Variants in AXDND1 observed in about 807,000 individuals in gnomAD.
The protein encoded by AXDND1 is axonemal dynein light chain domain-containing protein 1.
AXDND1 carries 110 observed loss-of-function variants against 137.5 expected under a neutral mutation model. The ratio of observed to expected loss-of-function variants is 0.80; its 90% CI spans 0.69 to 0.94. The LOEUF (loss-of-function observed/expected upper bound fraction) is 0.94. Ranked by LOEUF, AXDND1 falls within the 40% of genes least tolerant of loss-of-function variation. The pLI is 0.00. For synonymous variants in AXDND1, 414 were observed against 399.7 expected (o/e 1.04, Z -0.43); for missense variants, 1,191 against 1,169.8 (o/e 1.02, Z -0.26).
chr1:179,550,437 C>G (rs1200127029), intron 25 of AXDND1: 1 of 152,442 alleles, frequency 6.6e-6, no homozygotes, highest in African/African-American at 2.4e-5. Context: ...CTCTGGCCCA[C>G]TATTTATAGT....
intron 24 of AXDND1, chr1:179,534,380 ACT>A (rs1326753040): frequency 5.1e-6 from 1 of 195,578 alleles, no homozygotes; most frequent in Non-Finnish European, 1.0e-5. Flanking sequence ...AAAAGAAGTG[ACT>A]CTGTTGAATT....
chr1:179,434,304 A>G (rs564370679), intron 15 of AXDND1, among the ~76,000 whole-genome samples: 2 of 152,280 alleles, frequency 1.3e-5, no homozygotes, highest in East Asian at 3.9e-4. Context: ...TTCTTCTGAA[A>G]CTATTCCAAA....
In AXDND1 at chr1:179,470,012, G is replaced by A. The variant is rs148413212; in HGVS notation, c.1997+1371G>A. ...AGTTAATTTTTGTATATGGTATGTG[G>A]TAAGGGTCCAATTTCATTCTTTTGC... On this transcript the variant is annotated intron_variant, in intron 17 of 25. Coordinates refer to ENST00000367618, the MANE Select transcript of AXDND1 (RefSeq NM_144696.6). Among the ~76,000 whole-genome samples, 630 of 152,248 alleles carry A rather than the reference G, an allele frequency of 4.1e-3. 1 individual carries two copies. The highest frequency in any genetic ancestry group is 0.01 in the Middle Eastern group (3 of 294).
At chr1:179,409,570 T>A (rs1571698392) in intron 11 of AXDND1, among the ~76,000 whole-genome samples, 1 of 152,282 alleles carries the variant, frequency 6.6e-6, no homozygotes, top group East Asian at 1.9e-4. Flanking sequence ...AAATTTCCCA[T>A]GTACCAAAGT....
At position 179,548,379 on chromosome 1, in the gene AXDND1, G is replaced by A. The variant is rs530660006; in HGVS notation, c.3032-6133G>A. 1.1e-4 allele frequency among the ~76,000 whole-genome samples: 17 copies of A among 152,302 alleles called. No individual in the cohort carries two copies. In the South Asian group the frequency reaches 3.5e-3, roughly 32 times the overall value. ...TTATCCCCATTTATACACAGGATTA[G>A]TAATATGTCCAAGGTTAAACAGTTA... is the stretch of plus-strand genomic sequence containing the variant. On this transcript the variant is annotated intron_variant, in intron 25 of 25. Transcript: ENST00000367618.
chr1:179,372,570 AGTTGTTTTGTTTT>A, intron 4 of AXDND1, among the ~76,000 whole-genome samples: 1 of 148,254 alleles, frequency 6.7e-6, no homozygotes, highest in Admixed American at 6.7e-5. Flanking sequence ...TAAGAATCAA[AGTTGTTTTGTTTT>A]GTTTTTTGTT....
chr1:179,429,693 TG>T (rs1346733771), intron 13 of AXDND1, 74 bp downstream of exon 13: 2 of 780,462 alleles, frequency 2.6e-6, no homozygotes, highest in Non-Finnish European at 3.9e-6. Flanking sequence ...AAGATGCCTT[TG>T]TTAAATTTAT....
At chr1:179,395,273 A>G in intron 11 of AXDND1, 71 bp downstream of exon 11, 1 of 1,177,780 alleles carries the variant, frequency 8.5e-7, no homozygotes, top group East Asian at 2.4e-5. Context: ...CTGAAATAAT[A>G]TATATGATAC....
intron 25 of AXDND1, among the ~76,000 whole-genome samples, chr1:179,540,190 T>G (rs1671991497): frequency 6.6e-6 from 1 of 152,084 alleles, no homozygotes. Context: ...GAAGCCTACT[T>G]CTGTTAACTC....
At chr1:179,480,019 A>G (rs1665161685) in intron 17 of AXDND1, among the ~76,000 whole-genome samples, 1 of 152,154 alleles carries the variant, frequency 6.6e-6, no homozygotes, top group African/African-American at 2.4e-5. Context: ...CCATTCAACA[A>G]GTGTCTAGGA....
At chr1:179,468,306 T>C (rs1249862931) in intron 16 of AXDND1, 137 bp from the exon 17 acceptor site, 2 of 603,148 alleles carry the variant, frequency 3.3e-6, no homozygotes, top group Non-Finnish European at 5.6e-6. Flanking sequence ...TTTGTAAGGT[T>C]CTCTGCTAGT....
At chr1:179,427,699 T>C (rs1310760946) in intron 12 of AXDND1, among the ~76,000 whole-genome samples, 2 of 152,216 alleles carry the variant, frequency 1.3e-5, no homozygotes, top group Non-Finnish European at 2.9e-5. Flanking sequence ...GTCAGATATT[T>C]TGCTAAGGGA....
rs376189496 is a variant in AXDND1 at position 179,488,634 on chromosome 1, C to CTTTCTTT, written c.2092-2904_2092-2903insTTTCTTT. On this transcript the variant is annotated intron_variant, in intron 18 of 25. Coordinates refer to ENST00000367618, the MANE Select transcript of AXDND1 (RefSeq NM_144696.6). ...TTTCTTTCTTTCTCTCTCTCTCTCT[C>CTTTCTTT]CTTTCTTTCTTTCTTTCTTTCTTTC... Among the ~76,000 whole-genome samples the CTTTCTTT allele has an allele frequency of 2.6e-3, 273 of 105,214 alleles. 15 individuals are homozygous for CTTTCTTT. Among genetic ancestry groups the CTTTCTTT allele is most frequent in the East Asian group, 0.016 (61 of 3,854 alleles). The allele number at this position is 105,214 out of a possible 152,430, so 69.0% of individuals were successfully genotyped here.
rs142412399 is a variant in AXDND1, at chr1:179,396,909, A to G, written c.1109+1707A>G. ...GTGAGATGAGTCTCTTGAAGATAGC[A>G]TACCAATGGGTCTTGTTTCTTTATC... is the stretch of plus-strand genomic sequence containing the variant. On this transcript the variant is annotated intron_variant, in intron 11 of 25. Coordinates refer to ENST00000367618, the MANE Select transcript of AXDND1 (RefSeq NM_144696.6). Among the ~76,000 whole-genome samples, 617 of 152,286 alleles carry G rather than the reference A, an allele frequency of 4.1e-3. 4 individuals carry two copies. Among genetic ancestry groups the G allele is most frequent in the African/African-American group, 0.014 (589 of 41,552 alleles).
At chr1:179,452,710 A>G (rs1660720528) in intron 16 of AXDND1, 2 of 143,884 alleles carry the variant, frequency 1.4e-5, no homozygotes, top group Admixed American at 6.7e-5. Flanking sequence ...AAAAAAAAAA[A>G]AAAAAAAAAA....
chr1:179,539,316 A>T (rs953368634), intron 25 of AXDND1, among the ~76,000 whole-genome samples: 1 of 152,200 alleles, frequency 6.6e-6, no homozygotes. Context: ...ATGTTTTTGC[A>T]GTGACTGGTA....
At position 179,395,137 on chromosome 1, in the gene AXDND1, A is replaced by T; in HGVS notation, c.1044A>T (p.Thr348=). 1 of 1,613,660 alleles carries T rather than the reference A, an allele frequency of 6.2e-7. No homozygotes were observed. The stretch of plus-strand genomic sequence containing the variant: ...TTCGGGCACATGATGTGAAATTAAC[A>T]AAGGAAACAGAAAAAGCCCACAAGG... ...CLVRAHDVKL[T]KETEKAHKDL... Residue 348 remains threonine (T), a synonymous_variant, in exon 11 of 26, where the codon ACA becomes ACT. Transcript: ENST00000367618.
chr1:179,494,399 T>A (rs899253279), intron 20 of AXDND1, among the ~76,000 whole-genome samples: 6 of 152,216 alleles, frequency 3.9e-5, no homozygotes, highest in Non-Finnish European at 8.8e-5. Flanking sequence ...TGTGGTGTAA[T>A]GTCTGTTCAA....
intron 11 of AXDND1, among the ~76,000 whole-genome samples, chr1:179,396,144 G>T (rs1306229172): frequency 6.7e-6 from 1 of 148,472 alleles, no homozygotes; most frequent in East Asian, 2.0e-4. Flanking sequence ...ACTCCAGCCT[G>T]GGTGACAGAG....
Sources: allele counts gnomAD v4.1 joint callset (sites outside exome capture counted in the v4.1 genomes callset), GRCh38; gene constraint gnomAD v4.1.1; transcripts MANE v1.5; gene names NCBI Gene and HGNC (gene_info 2026-07-23, HGNC 2026-07-21).